Variants in NRXN3 observed in about 807,000 individuals in gnomAD.
The protein encoded by NRXN3 is neurexin 3.
NRXN3 carries 32 observed loss-of-function variants against 137.6 expected under a neutral mutation model. The observed-to-expected ratio is 0.23, with a 90% CI of 0.18 to 0.31. The LOEUF (loss-of-function observed/expected upper bound fraction) is 0.31. Among genes scored for constraint, NRXN3 ranks in the 10% least tolerant of loss-of-function variants. The pLI, the probability that NRXN3 is intolerant of heterozygous loss-of-function variation, is 1.00. For synonymous variants in NRXN3, 798 were observed against 784.5 expected, an observed-to-expected ratio of 1.02 and a Z score of -0.29; for missense variants, 1,574 against 2,062.5, an observed-to-expected ratio of 0.76 and a Z score of 4.59.
chr14:78,714,965 C>T lies in NRXN3; in HGVS notation c.1870C>T (p.Arg624Ter). 6.2e-7 allele frequency: 1 copy of T among 1,614,106 alleles called. No individual in the cohort carries two copies. Among genetic ancestry groups the T allele is most frequent in the Non-Finnish European group, 8.5e-7 (1 of 1,180,020 alleles). Residue 624 changes from arginine (R) to a stop codon, truncating the protein, a stop_gained, in exon 8 of 21, where the codon CGA (arginine) becomes TGA (stop). Coordinates refer to ENST00000335750, the MANE Select transcript of NRXN3 (RefSeq NM_001330195.2). LOFTEE classifies it high-confidence loss of function. ...CATTGATGGGCGCAGCAAGAACATTCGACAGCTGGCAGAGATGCAGAATGC... is the reference window on the plus strand; with the variant it reads ...CATTGATGGGCGCAGCAAGAACATTTGACAGCTGGCAGAGATGCAGAATGC... ...LFIDGRSKNI[R>*]QLAEMQNAAG... is the part of the protein sequence containing the mutation.
chr14:79,734,707 T>TA (rs1568051232), intron 19 of NRXN3, among the ~76,000 whole-genome samples: 1 of 152,002 alleles, frequency 6.6e-6, no homozygotes, highest in Admixed American at 6.6e-5. Context: ...CACACTCAAT[T>TA]AAAAAAAGAA....
At chr14:78,177,681 G>GAA (rs2059404555) in intron 1 of NRXN3, 1 of 152,172 alleles carries the variant, frequency 6.6e-6, no homozygotes, top group Non-Finnish European at 1.5e-5. Flanking sequence ...ACTAGAGAGA[G>GAA]AAATCCAATT....
intron 4 of NRXN3, 107 bp downstream of exon 4, chr14:78,297,967 C>A: frequency 7.6e-7 from 1 of 1,311,930 alleles, no homozygotes; most frequent in Non-Finnish European, 1.1e-6. Flanking sequence ...CGCTGCCTGT[C>A]CTTCCTGCGC....
At chr14:79,129,015 G>A (rs1034108583) in intron 15 of NRXN3, among the ~76,000 whole-genome samples, 1 of 152,138 alleles carries the variant, frequency 6.6e-6, no homozygotes, top group East Asian at 1.9e-4. Flanking sequence ...TGTGGGATCG[G>A]TGGAGATATC....
rs901609405 is a variant in NRXN3, at chr14:79,122,038, C to T, written c.3262+133897C>T. Among the ~76,000 whole-genome samples the T allele has an allele frequency of 7.9e-5, 12 of 152,300 alleles. 1 individual carries two copies. The highest frequency in any genetic ancestry group is 2.4e-4 in the African/African-American group (10 of 41,568). On this transcript the variant is annotated intron_variant, in intron 15 of 20. Transcript: ENST00000335750. ...AATATCTTCTCAGAGGATGATCATT[C>T]ACTTTTACCTTTGTTTGCCAACTTA...
rs2067202398 is a variant in NRXN3 at position 78,242,515 on chromosome 14, GC to G, written c.-573del. 2 of 153,602 alleles carry G rather than the reference GC, an allele frequency of 1.3e-5. No homozygotes were observed. Among genetic ancestry groups the G allele is most frequent in the Admixed American group, 6.5e-5 (1 of 15,446 alleles). 9.5% of individuals were successfully genotyped at this position (153,602 alleles called of 1,614,324 possible). The stretch of plus-strand genomic sequence containing the variant: ...CTGTCTGAGCATTGGGCTTCTAGCT[GC>G]CCCCCTCCCCACAGCCTGCCGCTGC... On this transcript the variant is annotated 5_prime_UTR_variant, in exon 2 of 21. It removes the in-frame stop codon of an upstream open reading frame in the 5' UTR. Transcript: ENST00000335750.
rs1369345666 is a variant in NRXN3 at position 79,754,595 on chromosome 14, TATACACACAC to T, written c.4015-50505_4015-50496del. ...ATACACACACACACACACACATATA[TATACACACAC>T]ATACACACACACGTATGTATATTTA... On this transcript the variant is annotated intron_variant, in intron 19 of 20. Transcript: ENST00000335750. Among the ~76,000 whole-genome samples the T allele has an allele frequency of 4.2e-5, 6 of 144,486 alleles. No individual in the cohort carries two copies. In the East Asian group the frequency reaches 6.2e-4, roughly 15 times the overall value. 94.8% of individuals were successfully genotyped at this position (144,486 alleles called of 152,430 possible).
intron 1 of NRXN3, among the ~76,000 whole-genome samples, chr14:78,229,109 A>G (rs906187258): frequency 1.3e-5 from 2 of 152,134 alleles, no homozygotes; most frequent in African/African-American, 4.8e-5. Flanking sequence ...TGAGGTTGGT[A>G]TAGGTGCAGT....
intron 15 of NRXN3, among the ~76,000 whole-genome samples, chr14:79,433,451 T>C (rs2095795981): frequency 6.6e-6 from 1 of 152,138 alleles, no homozygotes; most frequent in African/African-American, 2.4e-5. Context: ...TCCTGACCAC[T>C]AGCATTCTCT....
At chr14:78,770,960 A>T (rs1281552567) in intron 8 of NRXN3, among the ~76,000 whole-genome samples, 3 of 152,220 alleles carry the variant, frequency 2.0e-5, no homozygotes, top group Non-Finnish European at 2.9e-5. Flanking sequence ...TATGAAAGGA[A>T]AGCAGCAATC....
chr14:78,573,189 G>A (rs2096905897), intron 4 of NRXN3, among the ~76,000 whole-genome samples: 1 of 152,172 alleles, frequency 6.6e-6, no homozygotes, highest in South Asian at 2.1e-4. Context: ...TGAGCCAGTT[G>A]AACCACTTTT....
intron 1 of NRXN3, among the ~76,000 whole-genome samples, chr14:78,237,823 G>GC (rs2066518554): frequency 6.6e-6 from 1 of 152,198 alleles, no homozygotes; most frequent in African/African-American, 2.4e-5. Flanking sequence ...CCACCAGAGA[G>GC]CCACTGGAGA....
intron 4 of NRXN3, among the ~76,000 whole-genome samples, chr14:78,582,935 A>G (rs1046486899): frequency 2.6e-5 from 4 of 152,182 alleles, no homozygotes; most frequent in Non-Finnish European, 5.9e-5. Flanking sequence ...CTTACTAGAA[A>G]ATTCCCAGGC....
intron 2 of NRXN3, among the ~76,000 whole-genome samples, chr14:78,271,663 C>T (rs1276694568): frequency 6.6e-6 from 1 of 152,156 alleles, no homozygotes; most frequent in Non-Finnish European, 1.5e-5. Flanking sequence ...TGCCTTGGTC[C>T]TTCCTCTTCC....
intron 15 of NRXN3, among the ~76,000 whole-genome samples, chr14:79,357,586 A>G (rs952114588): frequency 6.6e-5 from 10 of 152,164 alleles, no homozygotes; most frequent in Admixed American, 6.5e-4. Context: ...AGGGCAGGCA[A>G]TAAGACTATC....
At chr14:79,477,326 A>G (rs1399149145) in intron 16 of NRXN3, among the ~76,000 whole-genome samples, 14 of 152,160 alleles carry the variant, frequency 9.2e-5, no homozygotes, top group Non-Finnish European at 5.9e-5. Flanking sequence ...CATATGATTT[A>G]GGGGCAATTG....
intron 8 of NRXN3, among the ~76,000 whole-genome samples, chr14:78,716,348 T>C (rs1181569851): frequency 6.6e-6 from 1 of 152,210 alleles, no homozygotes; most frequent in Non-Finnish European, 1.5e-5. Context: ...AATGAAAGGA[T>C]AATTTGCATC....
At chr14:79,132,311 G>A (rs975563537) in intron 15 of NRXN3, among the ~76,000 whole-genome samples, 1 of 152,190 alleles carries the variant, frequency 6.6e-6, no homozygotes, top group African/African-American at 2.4e-5. Context: ...TAAGTTTTGT[G>A]AAATGTATAT....
intron 20 of NRXN3, among the ~76,000 whole-genome samples, chr14:79,809,897 T>C (rs988421719): frequency 3.9e-5 from 6 of 152,190 alleles, no homozygotes; most frequent in African/African-American, 1.4e-4. Context: ...GATACCCTCA[T>C]GAGATTATGG....
Sources: allele counts gnomAD v4.1 joint callset (sites outside exome capture counted in the v4.1 genomes callset), GRCh38; gene constraint gnomAD v4.1.1; transcripts MANE v1.5; gene names NCBI Gene and HGNC (gene_info 2026-07-23, HGNC 2026-07-21).